The following PRAMEF1 variants were observed in gnomAD, a reference collection of about 807,000 sequenced individuals.
PRAMEF1 encodes PRAME family member 1.
A neutral mutation model predicts 38.2 loss-of-function variants in PRAMEF1; 21 were observed. The ratio of observed to expected loss-of-function variants is 0.55; its 90% CI spans 0.39 to 0.79. PRAMEF1 has a LOEUF of 0.79. Ranked by LOEUF, PRAMEF1 falls within the 30% of genes least tolerant of loss-of-function variation. PRAMEF1 has a pLI of 0.00. For synonymous variants in PRAMEF1, 200 were observed against 229.0 expected (o/e 0.87, Z 1.14); for missense variants, 497 against 565.8 (o/e 0.88, Z 1.23).
Position 12,793,202 on chromosome 1 carries a change from G to A in PRAMEF1, c.-25-1G>A, listed in dbSNP as rs1210312087. On this transcript the variant is annotated splice_acceptor_variant, in intron 1 of 3. Coordinates refer to ENST00000332296, the MANE Select transcript of PRAMEF1 (RefSeq NM_023013.4). LOFTEE classifies it low-confidence loss of function (5UTR_SPLICE). ...ACATTTTCCCTGGATTTGTCTTCTAGAGATTTTCCTTGCAGATCTATCAGG... is the reference window on the plus strand; with the variant it reads ...ACATTTTCCCTGGATTTGTCTTCTAAAGATTTTCCTTGCAGATCTATCAGG... The A allele has an allele frequency of 1.9e-6, 3 of 1,606,162 alleles. No homozygotes were observed.
chr1:12,792,166 C>A (rs937962838), intron 1 of PRAMEF1, among the ~76,000 whole-genome samples: 1 of 150,914 alleles, frequency 6.6e-6, no homozygotes, highest in African/African-American at 2.4e-5. Context: ...GGATTACAGG[C>A]ACTCACCACC....
rs1217498533 is a variant in PRAMEF1, at chr1:12,796,543, G to C, written c.*547G>C. On this transcript the variant is annotated 3_prime_UTR_variant, in exon 4 of 4. Transcript: ENST00000332296. ...AATCTCTAGTTATCGAGTTACGGATGGAAAAATAACGAAATACTAATTTGT... is the reference window on the plus strand; with the variant it reads ...AATCTCTAGTTATCGAGTTACGGATCGAAAAATAACGAAATACTAATTTGT... 2 of 154,520 alleles carry C rather than the reference G, an allele frequency of 1.3e-5. No individual in the cohort carries two copies. The highest frequency in any genetic ancestry group is 2.9e-5 in the Non-Finnish European group (2 of 69,748). The allele number at this position is 154,520 out of a possible 1,614,324, so 9.6% of individuals were successfully genotyped here.
At position 12,796,274 on chromosome 1, in the gene PRAMEF1, A is replaced by C. The variant is rs144203811; in HGVS notation, c.*278A>C. On this transcript the variant is annotated 3_prime_UTR_variant, in exon 4 of 4. Coordinates refer to ENST00000332296, the MANE Select transcript of PRAMEF1 (RefSeq NM_023013.4). The stretch of plus-strand genomic sequence containing the variant: ...CTGTGTCCAGGCCACATGCAACTTA[A>C]AGGAAGCACAGGCAAGTGTTCAGTG... The C allele has an allele frequency of 5.7e-4, 296 of 516,982 alleles. 5 individuals are homozygous for C. The highest frequency in any genetic ancestry group is 4.8e-3 in the African/African-American group (252 of 52,412). 32.0% of individuals were successfully genotyped at this position (516,982 alleles called of 1,614,324 possible). A position where few individuals can be genotyped will look rare whatever the true frequency, so the allele number is the denominator to read the frequency against.
intron 3 of PRAMEF1, among the ~76,000 whole-genome samples, 175 bp from the exon 4 acceptor site, chr1:12,795,263 A>C (rs1371815002): frequency 6.6e-6 from 1 of 151,792 alleles, no homozygotes; most frequent in Non-Finnish European, 1.5e-5. Flanking sequence ...CTGAGGCTAA[A>C]ATGGGACAGC....
Position 12,795,544 on chromosome 1 carries a change from C to T in PRAMEF1, c.973C>T (p.Leu325=), listed in dbSNP as rs1477189751. Residue 325 remains leucine (L), a synonymous_variant, in exon 4 of 4, where the codon CTG becomes TTG. Transcript: ENST00000332296. ...QYPSLGYLKH[L]NLSYVLLFRI... is the part of the protein sequence containing the mutation. The stretch of plus-strand genomic sequence containing the variant: ...CCCAAGCCTCGGTTACCTAAAGCAT[C>T]TGAATCTCAGCTACGTGCTGCTGTT... The T allele has an allele frequency of 6.2e-7, 1 of 1,612,598 alleles. No individual in the cohort carries two copies. Among genetic ancestry groups the T allele is most frequent in the African/African-American group, 1.3e-5 (1 of 74,762 alleles).
Position 12,794,230 on chromosome 1 carries a change from A to G in PRAMEF1, c.603A>G (p.Ile201Met). 6.2e-7 allele frequency: 1 copy of G among 1,611,680 alleles called. No homozygotes were observed. Among genetic ancestry groups the G allele is most frequent in the South Asian group, 1.1e-5 (1 of 90,860 alleles). ...AATATCTCAGAAAGTCATTGAAAAT[A>G]ATATACCTGAATAGTATTCAAGAGC... is the stretch of plus-strand genomic sequence containing the variant. ...PIKYLRKSLK[I>M]IYLNSIQELE... Residue 201 changes from isoleucine (I) to methionine (M), a missense_variant, in exon 3 of 4, where the codon ATA (isoleucine) becomes ATG (methionine). Ile to Met is a conservative substitution (Grantham distance 10). Coordinates refer to ENST00000332296, the MANE Select transcript of PRAMEF1 (RefSeq NM_023013.4).
Position 12,796,125 on chromosome 1 carries a change from A to G in PRAMEF1, c.*129A>G. On this transcript the variant is annotated 3_prime_UTR_variant, in exon 4 of 4. Transcript: ENST00000332296. The stretch of plus-strand genomic sequence containing the variant: ...TATTTCATTTTTTAATAATTCCAAA[A>G]TTTTTATTAAAGACAATTTGAGACA... The G allele has an allele frequency of 7.5e-7, 1 of 1,333,782 alleles. No homozygotes were observed. The highest frequency in any genetic ancestry group is 1.0e-6 in the Non-Finnish European group (1 of 999,264). 82.6% of individuals were successfully genotyped at this position (1,333,782 alleles called of 1,614,324 possible).
chr1:12,793,661 G>C lies in PRAMEF1; in HGVS notation c.287+147G>C, dbSNP rs1202092702. 1.4e-5 allele frequency: 21 copies of C among 1,527,302 alleles called. 1 individual carries two copies. Among genetic ancestry groups the C allele is most frequent in the Non-Finnish European group, 1.8e-5 (20 of 1,125,196 alleles). The allele number at this position is 1,527,302 out of a possible 1,614,324, so 94.6% of individuals were successfully genotyped here. A position where few individuals can be genotyped will look rare whatever the true frequency, so the allele number is the denominator to read the frequency against. ...TCAGGGAGGCTTTGGCCATTTTCCA[G>C]ATCCTCAGAGAAAGGACTGCTCACC... On this transcript the variant is annotated intron_variant, in intron 2 of 3. Coordinates refer to ENST00000332296, the MANE Select transcript of PRAMEF1 (RefSeq NM_023013.4).
Position 12,795,491 on chromosome 1 carries a change from A to G in PRAMEF1, c.920A>G (p.Glu307Gly). ...GAATTAACTTATGGCTACCTATTGG[A>G]AGAAGACATGAAGTGTCTCTCCCAG... ...NLELTYGYLLEEDMKCLSQYP... is the reference protein window; with the variant it reads ...NLELTYGYLLGEDMKCLSQYP... The change falls in exon 4 of 4, where the codon GAA (glutamate) becomes GGA (glycine). Residue 307 changes from glutamate (E) to glycine (G), a missense_variant. Glu to Gly is a moderately conservative substitution (Grantham distance 98). Around this residue, in one of 2 missense-constraint regions of PRAMEF1, gnomAD observed 470 missense variants for 501.9 expected, o/e 0.94. Coordinates refer to ENST00000332296, the MANE Select transcript of PRAMEF1 (RefSeq NM_023013.4). The G allele has an allele frequency of 4.3e-6, 7 of 1,612,388 alleles. No homozygotes were observed. The highest frequency in any genetic ancestry group is 1.3e-5 in the African/African-American group (1 of 74,872).
chr1:12,794,920 C>A (rs868672074), intron 3 of PRAMEF1: 1 of 1,326,712 alleles, frequency 7.5e-7, no homozygotes, highest in Admixed American at 2.3e-5. Flanking sequence ...CACGAATGAT[C>A]CTGTCTCTGA....
chr1:12,792,093 C>T (rs1345565871), intron 1 of PRAMEF1, among the ~76,000 whole-genome samples: 6 of 150,932 alleles, frequency 4.0e-5, no homozygotes, highest in South Asian at 2.1e-4. Flanking sequence ...TGTGATTTGG[C>T]TCACTGAAAT....
At position 12,795,985 on chromosome 1, in the gene PRAMEF1, C is replaced by G; in HGVS notation, c.1414C>G (p.Leu472Val). The change falls in exon 4 of 4, where the codon CTT (leucine) becomes GTT (valine). Residue 472 changes from leucine (L) to valine (V), a missense_variant. Physicochemically the swap from Leu to Val is conservative, Grantham distance 32. Around this residue, in one of 2 missense-constraint regions of PRAMEF1, gnomAD observed 27 missense variants for 63.9 expected, o/e 0.42. Transcript: ENST00000332296. Reference protein sequence around the residue: ...SSPSEELELHLCC With the variant: ...SSPSEELELHVCC Reference sequence around the variant, plus strand: ...ACCGTCTGAGGAACTGGAGCTCCATCTTTGCTGCTAGGGAAGGCGTGCCCA... The same window carrying G: ...ACCGTCTGAGGAACTGGAGCTCCATGTTTGCTGCTAGGGAAGGCGTGCCCA... The G allele has an allele frequency of 6.2e-7, 1 of 1,609,108 alleles. No homozygotes were observed. Among genetic ancestry groups the G allele is most frequent in the Non-Finnish European group, 8.5e-7 (1 of 1,178,870 alleles).
intron 1 of PRAMEF1, among the ~76,000 whole-genome samples, chr1:12,791,687 G>A (rs1189068162): frequency 7.3e-5 from 11 of 150,558 alleles, no homozygotes; most frequent in African/African-American, 4.9e-5. Flanking sequence ...AATTCTTATC[G>A]AAGCAGGTTT....
In PRAMEF1 at chr1:12,793,935, T is replaced by C. The variant is rs756180555; in HGVS notation, c.308T>C (p.Leu103Pro). ...CACAGGAGGTGGAAACTTCAAGTGC[T>C]GGATTTGCGGGATGTTGACGAGAAT... is the stretch of plus-strand genomic sequence containing the variant. ...DRPRRWKLQV[L>P]DLRDVDENFW... Residue 103 changes from leucine (L) to proline (P), a missense_variant, in exon 3 of 4, where the codon CTG becomes CCG. Physicochemically the swap from Leu to Pro is moderately conservative, Grantham distance 98. Around this residue, in one of 2 missense-constraint regions of PRAMEF1, gnomAD observed 470 missense variants for 501.9 expected, o/e 0.94. Transcript: ENST00000332296. The C allele has an allele frequency of 1.2e-6, 2 of 1,608,984 alleles. No individual in the cohort carries two copies. Among genetic ancestry groups the C allele is most frequent in the East Asian group, 4.5e-5 (2 of 44,468 alleles).
intron 1 of PRAMEF1, among the ~76,000 whole-genome samples, chr1:12,792,175 C>G (rs1322456880): frequency 2.0e-5 from 3 of 150,966 alleles, no homozygotes; most frequent in African/African-American, 7.3e-5. Context: ...GCACTCACCA[C>G]CATGCCCAGC....
In PRAMEF1 at chr1:12,794,361, A is replaced by G; in HGVS notation, c.734A>G (p.Tyr245Cys). 1.2e-6 allele frequency: 2 copies of G among 1,612,066 alleles called. No homozygotes were observed. Among genetic ancestry groups the G allele is most frequent in the Non-Finnish European group, 1.7e-6 (2 of 1,178,996 alleles). Residue 245 changes from tyrosine (Y) to cysteine (C), a missense_variant, in exon 3 of 4, where the codon TAC (tyrosine) becomes TGC (cysteine). This residue lies in a region of PRAMEF1 where 470 missense variants were observed against 501.9 expected (regional missense o/e 0.94). Transcript: ENST00000332296. ...CTCGTTTTCTCCAGGTGCCATCATTACACGTCAGATAATGAACTCGAAGGA... is the reference window on the plus strand; with the variant it reads ...CTCGTTTTCTCCAGGTGCCATCATTGCACGTCAGATAATGAACTCGAAGGA... ...RKLVFSRCHH[Y>C]TSDNELEGRL...
chr1:12,795,099 G>A, intron 3 of PRAMEF1: 2 of 1,001,198 alleles, frequency 2.0e-6, no homozygotes, highest in Non-Finnish European at 2.8e-6. Flanking sequence ...AGCTCTAGCT[G>A]ATGTCCCTAG....
In PRAMEF1 at chr1:12,792,640, G is replaced by A. The variant is rs1430651348; in HGVS notation, c.-25-563G>A. Among the ~76,000 whole-genome samples the A allele has an allele frequency of 4.6e-5, 7 of 151,356 alleles. 1 individual carries two copies. Among genetic ancestry groups the A allele is most frequent in the Middle Eastern group, 3.4e-3 (1 of 290 alleles). On this transcript the variant is annotated intron_variant, in intron 1 of 3. Coordinates refer to ENST00000332296, the MANE Select transcript of PRAMEF1 (RefSeq NM_023013.4). ...CACCCAGGCTGGAGAGCAGTGGTGCGATCTTGGCTCATTGCAACTTCTGCC... is the reference window on the plus strand; with the variant it reads ...CACCCAGGCTGGAGAGCAGTGGTGCAATCTTGGCTCATTGCAACTTCTGCC...
chr1:12,792,921 G>A (rs1639318615), intron 1 of PRAMEF1, among the ~76,000 whole-genome samples: 1 of 150,344 alleles, frequency 6.7e-6, no homozygotes, highest in Non-Finnish European at 1.5e-5. Flanking sequence ...ACTGAGAATG[G>A]AGGCTGTCTG....
Sources: gnomAD v4.1 joint callset for allele counts (sites outside exome capture counted in the v4.1 genomes callset) on GRCh38, gnomAD v4.1.1 for gene constraint, gnomAD v4.1.1 regional missense constraint, MANE v1.5 for transcripts, NCBI Gene and HGNC (gene_info 2026-07-23, HGNC 2026-07-21) for gene names.